PPM1D: variants seen among roughly 807,000 people sequenced by gnomAD.
PPM1D encodes protein phosphatase, Mg2+/Mn2+ dependent 1D.
A neutral mutation model predicts 58.3 loss-of-function variants in PPM1D; 52 were observed. That is an observed-to-expected ratio of 0.89 (90% CI 0.71 to 1.12). The LOEUF is 1.12. Among genes scored for constraint, PPM1D ranks in the 50% most tolerant of loss-of-function variants. The pLI, the probability that PPM1D is intolerant of heterozygous loss-of-function variation, is 0.00. For missense variants in PPM1D, 564 were observed against 777.2 expected (o/e 0.73, Z 3.26); for synonymous variants, 278 against 285.1 (o/e 0.98, Z 0.25).
chr17:60,663,271 T>G lies in PPM1D; in HGVS notation c.1537T>G (p.Leu513Val), dbSNP rs202221678. 3 of 1,614,118 alleles carry G rather than the reference T, an allele frequency of 1.9e-6. No individual in the cohort carries two copies. The highest frequency in any genetic ancestry group is 2.5e-6 in the Non-Finnish European group (3 of 1,180,016). ...STNTVMDQKN[L>V]KMSTPGQMKA... is the part of the protein sequence containing the mutation. ...AAACACTGTCATGGACCAAAAAAAT[T>G]TGAAGATGTCAACTCCTGGCCAAAT... Residue 513 changes from leucine to valine, a missense_variant, in exon 6 of 6, where the codon TTG becomes GTG. Physicochemically the swap from Leu to Val is conservative, Grantham distance 32. This residue lies in a region of PPM1D where 261 missense variants were observed against 270.1 expected (regional missense o/e 0.97). Coordinates refer to ENST00000305921, the MANE Select transcript of PPM1D (RefSeq NM_003620.4).
At chr17:60,653,328 G>T (rs1302616247) in intron 4 of PPM1D, among the ~76,000 whole-genome samples, 1 of 152,100 alleles carries the variant, frequency 6.6e-6, no homozygotes, top group African/African-American at 2.4e-5. Flanking sequence ...CACCTTTGTT[G>T]AAGATGAGCT....
chr17:60,622,908 C>T (rs768540169), intron 1 of PPM1D, among the ~76,000 whole-genome samples: 50 of 152,166 alleles, frequency 3.3e-4, no homozygotes, highest in Non-Finnish European at 3.4e-4. Flanking sequence ...ACCAGCCTGA[C>T]CAACATGGCG....
At chr17:60,635,693 C>T (rs2031010520) in intron 3 of PPM1D, among the ~76,000 whole-genome samples, 1 of 152,120 alleles carries the variant, frequency 6.6e-6, no homozygotes, top group Non-Finnish European at 1.5e-5. Context: ...ACCCACCCTG[C>T]TGCCCCTAGG....
At chr17:60,629,210 A>C (rs917619119) in intron 2 of PPM1D, among the ~76,000 whole-genome samples, 2 of 152,188 alleles carry the variant, frequency 1.3e-5, no homozygotes, top group Non-Finnish European at 2.9e-5. Context: ...TGGACTGTAC[A>C]TTTCTATTCG....
intron 5 of PPM1D, 121 bp downstream of exon 5, chr17:60,656,962 T>A: frequency 6.3e-7 from 1 of 1,585,990 alleles, no homozygotes; most frequent in Non-Finnish European, 8.5e-7. Context: ...TTCAAGAAAG[T>A]GATGTAACTT....
At chr17:60,614,073 G>A (rs1359811088) in intron 1 of PPM1D, among the ~76,000 whole-genome samples, 1 of 151,188 alleles carries the variant, frequency 6.6e-6, no homozygotes, top group African/African-American at 2.4e-5. Context: ...CCCGGTGCGG[G>A]ATCCACTGCA....
intron 2 of PPM1D, among the ~76,000 whole-genome samples, chr17:60,627,299 C>G (rs1485255401): frequency 6.6e-6 from 1 of 152,148 alleles, no homozygotes; most frequent in Non-Finnish European, 1.5e-5. Context: ...ACTCTGTTGC[C>G]CAGGCTGCAG....
intron 2 of PPM1D, among the ~76,000 whole-genome samples, chr17:60,631,917 G>T (rs1183909819): frequency 6.6e-6 from 1 of 151,978 alleles, no homozygotes; most frequent in African/African-American, 2.4e-5. Flanking sequence ...GGTGGCTCAC[G>T]CCTGTAATCC....
intron 2 of PPM1D, among the ~76,000 whole-genome samples, chr17:60,627,886 A>T (rs938214107): frequency 1.4e-5 from 2 of 142,748 alleles, no homozygotes; most frequent in Non-Finnish European, 3.1e-5. Context: ...TTGAATAGAA[A>T]TTTTTTTTTT....
intron 5 of PPM1D, among the ~76,000 whole-genome samples, chr17:60,660,620 G>A (rs2031509917): frequency 6.6e-6 from 1 of 151,850 alleles, no homozygotes; most frequent in Non-Finnish European, 1.5e-5. Context: ...AATTAGCTGG[G>A]CATGGTGGTG....
intron 5 of PPM1D, 116 bp downstream of exon 5, chr17:60,656,957 G>A: frequency 6.3e-7 from 1 of 1,589,928 alleles, no homozygotes; most frequent in Non-Finnish European, 8.5e-7. Context: ...CTCGATTCAA[G>A]AAAGTGATGT....
rs544614194 is a variant in PPM1D, at chr17:60,645,646, GTA to G, written c.827-2233_827-2232del. Among the ~76,000 whole-genome samples, 648 of 125,090 alleles carry G rather than the reference GTA, an allele frequency of 5.2e-3. 5 individuals are homozygous for G. The highest frequency in any genetic ancestry group is 0.021 in the African/African-American group (591 of 27,644). The allele number at this position is 125,090 out of a possible 152,430, so 82.1% of individuals were successfully genotyped here. On this transcript the variant is annotated intron_variant, in intron 3 of 5. Transcript: ENST00000305921. ...TATGTATATGTATATGTGTGTGTGT[GTA>G]TATATATATATACACACACACACAT...
At chr17:60,658,634 G>A (rs1284491422) in intron 5 of PPM1D, among the ~76,000 whole-genome samples, 1 of 128,198 alleles carries the variant, frequency 7.8e-6, no homozygotes, top group Non-Finnish European at 1.6e-5. Context: ...GGCAACAACA[G>A]CAAAACCCCA....
chr17:60,660,374 A>G (rs942902114), intron 5 of PPM1D, among the ~76,000 whole-genome samples: 1 of 152,024 alleles, frequency 6.6e-6, no homozygotes, highest in African/African-American at 2.4e-5. Context: ...GAAGTGATGT[A>G]TTTGGGGCAG....
At chr17:60,615,704 A>G (rs1271409645) in intron 1 of PPM1D, among the ~76,000 whole-genome samples, 1 of 142,054 alleles carries the variant, frequency 7.0e-6, no homozygotes, top group East Asian at 2.0e-4. Flanking sequence ...GGGTAGAGAT[A>G]GGGTCTTACT....
chr17:60,600,964 C>T (rs2030196451), intron 1 of PPM1D, 78 bp downstream of exon 1: 1 of 1,576,806 alleles, frequency 6.3e-7, no homozygotes, highest in Non-Finnish European at 8.6e-7. Context: ...CCCGCGTGGG[C>T]CCCCGGCACC....
chr17:60,618,481 G>A (rs750964443), intron 1 of PPM1D, among the ~76,000 whole-genome samples: 3 of 152,052 alleles, frequency 2.0e-5, no homozygotes, highest in Non-Finnish European at 4.4e-5. Flanking sequence ...TAATTTGTGC[G>A]GTCTTGTAGT....
chr17:60,657,898 C>G (rs1316106366), intron 5 of PPM1D, among the ~76,000 whole-genome samples: 1 of 152,124 alleles, frequency 6.6e-6, no homozygotes. Flanking sequence ...CGCCACTACG[C>G]CCTGCTAATT....
chr17:60,618,805 A>G (rs1228075488), intron 1 of PPM1D, among the ~76,000 whole-genome samples: 1 of 152,156 alleles, frequency 6.6e-6, no homozygotes. Context: ...GTGCAATGTG[A>G]TAGATGATTT....
Sources: gnomAD v4.1 joint callset for allele counts (sites outside exome capture counted in the v4.1 genomes callset) on GRCh38, gnomAD v4.1.1 for gene constraint, gnomAD v4.1.1 regional missense constraint, MANE v1.5 for transcripts, NCBI Gene and HGNC (gene_info 2026-07-23, HGNC 2026-07-21) for gene names.